The following MPP7 variants were observed in gnomAD, a reference collection of about 807,000 sequenced individuals.
The protein encoded by MPP7 is MAGUK p55 scaffold protein 7.
In MPP7, 60 loss-of-function variants were observed where a neutral mutation model predicts 76.5. The observed-to-expected ratio is 0.78, with a 90% CI of 0.64 to 0.97. MPP7 has a LOEUF of 0.97. Among genes scored for constraint, MPP7 ranks in the 50% least tolerant of loss-of-function variants. The probability of loss-of-function intolerance (pLI) is 0.00; values close to 1 mark genes in which losing one functional copy is unlikely to be tolerated. For missense variants in MPP7, 641 were observed against 694.0 expected, an observed-to-expected ratio of 0.92 and a Z score of 0.86; for synonymous variants, 237 against 244.5, an observed-to-expected ratio of 0.97 and a Z score of 0.29.
chr10:28,239,471 A>G (rs1839195412), intron 1 of MPP7, among the ~76,000 whole-genome samples: 1 of 152,096 alleles, frequency 6.6e-6, no homozygotes, highest in Non-Finnish European at 1.5e-5. Context: ...TAAATAGCTC[A>G]TCCTAATATG....
At chr10:28,089,614 G>A in intron 12 of MPP7, 57 bp downstream of exon 12, 1 of 1,511,502 alleles carries the variant, frequency 6.6e-7, no homozygotes, top group Non-Finnish European at 9.0e-7. Flanking sequence ...ACTTTGAAGA[G>A]AAATTCTTAC....
chr10:28,130,114 A>G (rs893424079), intron 6 of MPP7, among the ~76,000 whole-genome samples: 4 of 151,612 alleles, frequency 2.6e-5, no homozygotes, highest in Non-Finnish European at 5.9e-5. Context: ...ACTAGAATAT[A>G]AATTCTAATA....
At chr10:28,083,532 CTTT>C (rs5784040) in intron 12 of MPP7, among the ~76,000 whole-genome samples, 2 of 81,748 alleles carry the variant, frequency 2.4e-5, no homozygotes, top group East Asian at 3.1e-4. Flanking sequence ...TTTTCTTCCT[CTTT>C]TTTTTTTTTT....
intron 11 of MPP7, among the ~76,000 whole-genome samples, chr10:28,105,679 T>C (rs1834300654): frequency 3.3e-5 from 5 of 152,180 alleles, no homozygotes; most frequent in Admixed American, 3.3e-4. Flanking sequence ...AGCTAATTTT[T>C]GTATTTTCAG....
At chr10:28,265,543 C>T (rs1000800736) in intron 1 of MPP7, among the ~76,000 whole-genome samples, 42 of 152,004 alleles carry the variant, frequency 2.8e-4, no homozygotes, top group African/African-American at 9.7e-4. Context: ...TGGGCAACAG[C>T]ATAAGATCCT....
rs372279052 is a variant in MPP7 at position 28,276,124 on chromosome 10, G to A, written c.-132+26737C>T. ...CAGCTCACTGCAAACTCCACCTCCC[G>A]GGTTCAAGCGATTCTCCTGCCTCAG... On this transcript the variant is annotated intron_variant, in intron 1 of 16. Coordinates refer to ENST00000683449, the MANE Select transcript of MPP7 (RefSeq NM_001318170.2). 1.0e-4 allele frequency among the ~76,000 whole-genome samples: 15 copies of A among 148,714 alleles called. 1 individual carries two copies. Among genetic ancestry groups the A allele is most frequent in the African/African-American group, 2.3e-4 (9 of 39,826 alleles).
At chr10:28,165,594 G>C (rs1836424238) in intron 3 of MPP7, among the ~76,000 whole-genome samples, 1 of 151,108 alleles carries the variant, frequency 6.6e-6, no homozygotes, top group South Asian at 2.1e-4. Flanking sequence ...GATGACTTTA[G>C]CCTCAAATAT....
chr10:28,081,359 C>CT (rs1321141480), intron 12 of MPP7, among the ~76,000 whole-genome samples: 9 of 152,204 alleles, frequency 5.9e-5, no homozygotes, highest in Non-Finnish European at 1.0e-4. Context: ...TTGGGTTTCA[C>CT]TGAAGATAAG....
intron 3 of MPP7, among the ~76,000 whole-genome samples, chr10:28,171,233 G>A (rs918864529): frequency 2.6e-5 from 4 of 152,092 alleles, no homozygotes; most frequent in African/African-American, 9.7e-5. Context: ...TAATTACATT[G>A]TTTTAACTTG....
At chr10:28,199,979 A>G (rs931913158) in intron 3 of MPP7, among the ~76,000 whole-genome samples, 1 of 152,148 alleles carries the variant, frequency 6.6e-6, no homozygotes, top group East Asian at 1.9e-4. Flanking sequence ...GTTCTAAACC[A>G]CATTCTAACA....
At chr10:28,244,633 A>AAGAAGAATCCCACT in intron 1 of MPP7, among the ~76,000 whole-genome samples, 1 of 152,346 alleles carries the variant, frequency 6.6e-6, no homozygotes, top group Non-Finnish European at 1.5e-5. Context: ...AGCAACAGAA[A>AAGAAGAATCCCACT]AGAAGAATCC....
intron 5 of MPP7, among the ~76,000 whole-genome samples, chr10:28,143,670 T>C (rs1835603234): frequency 7.0e-6 from 1 of 143,178 alleles, no homozygotes; most frequent in African/African-American, 2.5e-5. Context: ...AATATTCTTA[T>C]GGTTCAACTT....
At position 28,244,358 on chromosome 10, in the gene MPP7, T is replaced by C. The variant is rs7924121; in HGVS notation, c.-131-5623A>G. ...ATTCAGTTCTTAATCATAAACAAAA[T>C]TGCATTTCAATTTTGGCTATCTCAA... On this transcript the variant is annotated intron_variant, in intron 1 of 16. Coordinates refer to ENST00000683449, the MANE Select transcript of MPP7 (RefSeq NM_001318170.2). Among the ~76,000 whole-genome samples, 1,193 of 152,326 alleles carry C rather than the reference T, an allele frequency of 7.8e-3. 12 individuals carry two copies. The highest frequency in any genetic ancestry group is 0.017 in the African/African-American group (713 of 41,572).
intron 3 of MPP7, among the ~76,000 whole-genome samples, chr10:28,167,738 G>C (rs1836533110): frequency 6.6e-6 from 1 of 152,144 alleles, no homozygotes; most frequent in Non-Finnish European, 1.5e-5. Flanking sequence ...CTGGGTCACA[G>C]GATATAAATA....
intron 11 of MPP7, among the ~76,000 whole-genome samples, chr10:28,104,915 T>C (rs1252778898): frequency 6.6e-6 from 1 of 152,054 alleles, no homozygotes; most frequent in East Asian, 1.9e-4. Flanking sequence ...AATGCTGTCA[T>C]GGTGCACATA....
intron 13 of MPP7, among the ~76,000 whole-genome samples, chr10:28,060,489 C>T (rs118098160): frequency 5.1e-4 from 77 of 152,278 alleles, no homozygotes; most frequent in African/African-American, 1.5e-3. Context: ...AGAAACTACC[C>T]GAACACTTTG....
rs1188898090 is a variant in MPP7 at position 28,202,166 on chromosome 10, T to C, written c.143A>G (p.His48Arg). 6.2e-7 allele frequency: 1 copy of C among 1,611,584 alleles called. No individual in the cohort carries two copies. The highest frequency in any genetic ancestry group is 2.2e-5 in the East Asian group (1 of 44,868). Residue 48 changes from histidine (H) to arginine (R), a missense_variant, in exon 3 of 17, where the codon CAT (histidine) becomes CGT (arginine). Transcript: ENST00000683449. ...AGCATGGTTTACCTTTACCAATGAA[T>C]GCAGGCTTTTTTCACCAAACATATC... ...LWDMFGEKSLHSLVKIHEKLH... is the reference protein window; with the variant it reads ...LWDMFGEKSLRSLVKIHEKLH...
At chr10:28,267,836 G>C (rs1051989050) in intron 1 of MPP7, among the ~76,000 whole-genome samples, 1 of 152,076 alleles carries the variant, frequency 6.6e-6, no homozygotes, top group African/African-American at 2.4e-5. Context: ...AGCAGTTTGA[G>C]ACCAGCCTGG....
intron 3 of MPP7, among the ~76,000 whole-genome samples, chr10:28,184,477 G>A (rs1164326068): frequency 1.3e-5 from 2 of 149,320 alleles, no homozygotes; most frequent in East Asian, 3.9e-4. Context: ...GAGAGGCCGA[G>A]GTGGGCAGAT....
Sources: gnomAD v4.1 joint callset for allele counts (sites outside exome capture counted in the v4.1 genomes callset) on GRCh38, gnomAD v4.1.1 for gene constraint, MANE v1.5 for transcripts, NCBI Gene and HGNC (gene_info 2026-07-23, HGNC 2026-07-21) for gene names.